The following TENM4 variants were observed in gnomAD, a reference collection of about 807,000 sequenced individuals.
The protein encoded by TENM4 is teneurin transmembrane protein 4, also known as teneurin-4.
Under a neutral mutation model 243.3 loss-of-function variants are expected in TENM4, and 82 were observed. That is an observed-to-expected ratio of 0.34 (90% CI 0.28 to 0.40). The LOEUF (loss-of-function observed/expected upper bound fraction) is 0.40. TENM4 is among the 10% of genes least tolerant of loss of function. The pLI, the probability that TENM4 is intolerant of heterozygous loss-of-function variation, is 1.00. For missense variants in TENM4, 3,138 were observed against 3,673.3 expected, an observed-to-expected ratio of 0.85 and a Z score of 3.77; for synonymous variants, 1,412 against 1,456.3, an observed-to-expected ratio of 0.97 and a Z score of 0.69.
chr11:79,431,639 T>A (rs1253522135), intron 1 of TENM4, among the ~76,000 whole-genome samples: 1 of 152,214 alleles, frequency 6.6e-6, no homozygotes, highest in Non-Finnish European at 1.5e-5. Context: ...TAATCTCAGC[T>A]AGTAAGACAA....
At chr11:78,741,676 C>G (rs1378101633) in intron 19 of TENM4, among the ~76,000 whole-genome samples, 1 of 152,178 alleles carries the variant, frequency 6.6e-6, no homozygotes, top group Admixed American at 6.5e-5. Flanking sequence ...ATAATCAGTT[C>G]TTGCGAACTG....
intron 15 of TENM4, among the ~76,000 whole-genome samples, chr11:78,801,126 G>C (rs1386042557): frequency 6.6e-6 from 1 of 152,124 alleles, no homozygotes; most frequent in Non-Finnish European, 1.5e-5. Flanking sequence ...GGATAGAAAG[G>C]GGGCATGAGG....
In TENM4 at chr11:78,688,238, G is replaced by A; in HGVS notation, c.5088-12C>T. On this transcript the variant is annotated splice_polypyrimidine_tract_variant and intron_variant, in intron 28 of 33. Transcript: ENST00000278550. ...CAAAGCTGTCGTACCTGGAAACCAA[G>A]GGGTGGCACTGAGTAGTAGAAATAT... 1.2e-6 allele frequency: 2 copies of A among 1,611,628 alleles called. No homozygotes were observed.
At chr11:79,233,957 G>A (rs938136116) in intron 2 of TENM4, among the ~76,000 whole-genome samples, 24 of 152,210 alleles carry the variant, frequency 1.6e-4, no homozygotes, top group African/African-American at 5.1e-4. Context: ...GAAGCATGCA[G>A]TTACCTCTGC....
chr11:79,425,500 ATGTTCTCC>A (rs3057401), intron 1 of TENM4, among the ~76,000 whole-genome samples: 33,279 of 151,994 alleles, frequency 0.22, 3,787 homozygotes, highest in East Asian at 0.35. Flanking sequence ...ACTCCTGGCC[ATGTTCTCC>A]TGAGTCCTAG....
intron 6 of TENM4, among the ~76,000 whole-genome samples, chr11:78,915,169 T>C (rs532768227): frequency 5.9e-5 from 9 of 152,320 alleles, no homozygotes; most frequent in African/African-American, 2.2e-4. Context: ...CTCATGGCCA[T>C]GGCTATGCAC....
At chr11:78,921,029 G>T (rs778495089) in intron 6 of TENM4, among the ~76,000 whole-genome samples, 2 of 152,160 alleles carry the variant, frequency 1.3e-5, no homozygotes, top group Non-Finnish European at 2.9e-5. Context: ...GAGGAAACTG[G>T]GTCTCAGGGA....
intron 18 of TENM4, among the ~76,000 whole-genome samples, chr11:78,759,220 G>T (rs565186026): frequency 2.5e-4 from 38 of 152,278 alleles, no homozygotes; most frequent in African/African-American, 8.7e-4. Context: ...GCCTAGCAAA[G>T]CACCTGTCTT....
chr11:78,984,565 G>T (rs1857876304), intron 6 of TENM4, among the ~76,000 whole-genome samples: 1 of 152,100 alleles, frequency 6.6e-6, no homozygotes, highest in Non-Finnish European at 1.5e-5. Flanking sequence ...GGTTGCTGCT[G>T]ACATGACAAG....
At chr11:78,796,111 C>T (rs763845310) in intron 15 of TENM4, among the ~76,000 whole-genome samples, 2 of 152,040 alleles carry the variant, frequency 1.3e-5, no homozygotes, top group Non-Finnish European at 2.9e-5. Flanking sequence ...AAAGTGGATT[C>T]CAGTATGTGG....
intron 9 of TENM4, among the ~76,000 whole-genome samples, chr11:78,874,182 G>A (rs1312696490): frequency 1.3e-5 from 2 of 152,022 alleles, no homozygotes; most frequent in African/African-American, 4.8e-5. Flanking sequence ...CCCAGCTCTG[G>A]CCCTTACCAG....
At chr11:79,242,157 G>A (rs1442984955) in intron 2 of TENM4, among the ~76,000 whole-genome samples, 1 of 152,222 alleles carries the variant, frequency 6.6e-6, no homozygotes, top group Non-Finnish European at 1.5e-5. Flanking sequence ...TTCCTCGACA[G>A]GGGCTCAGAT....
At chr11:79,131,528 A>T (rs1032384517) in intron 4 of TENM4, among the ~76,000 whole-genome samples, 6 of 152,246 alleles carry the variant, frequency 3.9e-5, no homozygotes, top group African/African-American at 1.4e-4. Flanking sequence ...TACTAAAGGG[A>T]GCTCTAAATC....
At chr11:79,037,256 CTA>C (rs1859413192) in intron 6 of TENM4, among the ~76,000 whole-genome samples, 1 of 152,164 alleles carries the variant, frequency 6.6e-6, no homozygotes, top group Admixed American at 6.5e-5. Context: ...GCTGCTGCAC[CTA>C]TGAGGCAGCC....
intron 28 of TENM4, among the ~76,000 whole-genome samples, chr11:78,696,330 A>G (rs1411628443): frequency 6.6e-6 from 1 of 152,108 alleles, no homozygotes; most frequent in Non-Finnish European, 1.5e-5. Context: ...AATTATAGTT[A>G]TTTTAAATTC....
intron 8 of TENM4, among the ~76,000 whole-genome samples, chr11:78,890,761 C>A (rs1265732299): frequency 6.6e-6 from 1 of 152,192 alleles, no homozygotes; most frequent in Non-Finnish European, 1.5e-5. Context: ...TGGTTGTGAC[C>A]AAACTAGGTG....
chr11:79,103,333 T>C (rs922288733), intron 4 of TENM4, among the ~76,000 whole-genome samples: 3 of 152,090 alleles, frequency 2.0e-5, no homozygotes, highest in Non-Finnish European at 4.4e-5. Context: ...AAATAACACA[T>C]TGTTATTGCA....
chr11:78,748,531 A>G (rs1303444227), intron 19 of TENM4, among the ~76,000 whole-genome samples: 1 of 152,194 alleles, frequency 6.6e-6, no homozygotes, highest in African/African-American at 2.4e-5. Context: ...TGGATTTCTG[A>G]ACTGAAGATG....
intron 1 of TENM4, among the ~76,000 whole-genome samples, chr11:79,371,087 CAATT>C (rs1276408180): frequency 6.6e-6 from 1 of 152,100 alleles, no homozygotes. Context: ...AAAACAAAAA[CAATT>C]AAACAATAAG....
Sources: allele counts gnomAD v4.1 joint callset (sites outside exome capture counted in the v4.1 genomes callset), GRCh38; gene constraint gnomAD v4.1.1; transcripts MANE v1.5; gene names NCBI Gene and HGNC (gene_info 2026-07-23, HGNC 2026-07-21).